MAX: variants seen among roughly 807,000 people sequenced by gnomAD.
The protein encoded by MAX is MYC associated transcriptional regulator X, also known as protein max.
Under a neutral mutation model 22.3 loss-of-function variants are expected in MAX, and 3 were observed. The observed-to-expected ratio is 0.13, with a 90% confidence interval of 0.06 to 0.35. The LOEUF (loss-of-function observed/expected upper bound fraction) is 0.35, where lower values mean the gene tolerates loss of function less well. Among genes scored for constraint, MAX ranks in the 10% least tolerant of loss-of-function variants. The pLI, the probability that MAX is intolerant of heterozygous loss-of-function variation, is 1.00. For missense variants in MAX, 119 were observed against 209.4 expected (o/e 0.57, Z 2.66); for synonymous variants, 72 against 77.7 (o/e 0.93, Z 0.39).
chr14:65,077,449 G>A lies in MAX; in HGVS notation c.295+464C>T, dbSNP rs753470788. On this transcript the variant is annotated intron_variant, in intron 4 of 4. Coordinates refer to ENST00000358664, the MANE Select transcript of MAX (RefSeq NM_002382.5). This position sits in a 1 kb window ranked among gnomAD's most constrained non-coding sequence, Gnocchi z 6.3. ...TTCCCCTGTGGTTGTAGGAAAAGGC[G>A]GGTGTGAGCATTGAGAACAGCATGG... The A allele has an allele frequency of 3.9e-6, 6 of 1,533,078 alleles. No homozygotes were observed. The highest frequency in any genetic ancestry group is 1.1e-5 in the South Asian group (1 of 89,412). The allele number at this position is 1,533,078 out of a possible 1,614,324, so 95.0% of individuals were successfully genotyped here. A position where few individuals can be genotyped will look rare whatever the true frequency, so the allele number is the denominator to read the frequency against.
At position 65,044,425 on chromosome 14, in the gene MAX, C is replaced by T. The variant is rs376882084; in HGVS notation, c.172-38141G>A. The T allele has an allele frequency of 3.8e-5, 62 of 1,611,622 alleles. No individual in the cohort carries two copies. Among genetic ancestry groups the T allele is most frequent in the Middle Eastern group, 1.6e-4 (1 of 6,074 alleles). Reference sequence around the variant, plus strand: ...GGCGGGGCTCCTGCCCCTGCTCCACCGCGCACTGCACGCCCAAGGTGAGCC... The same window carrying T: ...GGCGGGGCTCCTGCCCCTGCTCCACTGCGCACTGCACGCCCAAGGTGAGCC... On this transcript the variant is annotated intron_variant, in intron 3 of 3. Coordinates refer to the MAX transcript ENST00000341653. This position sits in a 1 kb window ranked among gnomAD's most constrained non-coding sequence, Gnocchi z 5.5.
intron 3 of MAX, among the ~76,000 whole-genome samples, chr14:65,068,810 AC>A (rs1368669135): frequency 1.3e-5 from 2 of 151,798 alleles, no homozygotes; most frequent in African/African-American, 2.4e-5. Flanking sequence ...TATTCTCTCA[AC>A]CCTTGATCAC....
At chr14:65,092,620 T>C (rs2063540944) in intron 3 of MAX, among the ~76,000 whole-genome samples, 2 of 152,180 alleles carry the variant, frequency 1.3e-5, no homozygotes, top group South Asian at 2.1e-4. Context: ...GGTTTTGCAA[T>C]ACCAGGTATG....
chr14:65,035,435 A>C (rs2062166576), intron 3 of MAX, among the ~76,000 whole-genome samples: 1 of 152,134 alleles, frequency 6.6e-6, no homozygotes, highest in Non-Finnish European at 1.5e-5. Flanking sequence ...CTGGTTAGGC[A>C]CAGACTAGAT....
chr14:65,074,730 A>G (rs2063020430), downstream of MAX, among the ~76,000 whole-genome samples: 1 of 152,232 alleles, frequency 6.6e-6, no homozygotes, highest in Admixed American at 6.5e-5. Context: ...ATAAACTGGA[A>G]CTATCTAGAA....
Position 65,069,223 on chromosome 14 carries a change from G to A in MAX, c.171+24485C>T, listed in dbSNP as rs2062962236. Among the ~76,000 whole-genome samples, 2 of 152,116 alleles carry A rather than the reference G, an allele frequency of 1.3e-5. No homozygotes were observed. Among genetic ancestry groups the A allele is most frequent in the Admixed American group, 6.6e-5 (1 of 15,264 alleles). On this transcript the variant is annotated intron_variant, in intron 3 of 3. Coordinates refer to the MAX transcript ENST00000341653. This position sits in a 1 kb window ranked among gnomAD's most constrained non-coding sequence, Gnocchi z 4.6. ...CAACCTGTGCAGAGCAGATGGCTCT[G>A]GCCCACCCTCCCTTCACCAACAGCC... is the stretch of plus-strand genomic sequence containing the variant.
chr14:65,060,870 C>CAAAA (rs58241887), intron 3 of MAX, among the ~76,000 whole-genome samples: 11 of 79,586 alleles, frequency 1.4e-4, no homozygotes, highest in Middle Eastern at 7.8e-3. Flanking sequence ...AAGACTCTCT[C>CAAAA]AAAAAAAAAA....
Position 65,102,498 on chromosome 14 carries a change from G to C in MAX, c.-159C>G. 1 of 1,487,162 alleles carries C rather than the reference G, an allele frequency of 6.7e-7. No homozygotes were observed. Among genetic ancestry groups the C allele is most frequent in the Non-Finnish European group, 8.9e-7 (1 of 1,119,094 alleles). The allele number at this position is 1,487,162 out of a possible 1,614,324, so 92.1% of individuals were successfully genotyped here. On this transcript the variant is annotated 5_prime_UTR_variant, in exon 1 of 5. Coordinates refer to ENST00000358664, the MANE Select transcript of MAX (RefSeq NM_002382.5). ...TCACTCACACACACACACAACACGG[G>C]CAAGAACCACCTCCTCACTGCAGCA...
At chr14:65,022,101 A>G (rs566428931) in intron 3 of MAX, 4 of 455,894 alleles carry the variant, frequency 8.8e-6, no homozygotes, top group African/African-American at 2.0e-5. Context: ...TCACCTGTCC[A>G]TTGTCATATT....
chr14:65,006,574 G>C (rs1315120419), intron 3 of MAX, among the ~76,000 whole-genome samples: 1 of 152,172 alleles, frequency 6.6e-6, no homozygotes, highest in Non-Finnish European at 1.5e-5. Context: ...TGAGGGTGTG[G>C]GTGATTGCTT....
In MAX at chr14:65,007,449, G is replaced by T. The variant is rs1207263124; in HGVS notation, c.172-1165C>A. 6.6e-6 allele frequency among the ~76,000 whole-genome samples: 1 copy of T among 152,204 alleles called. No individual in the cohort carries two copies. Among genetic ancestry groups the T allele is most frequent in the Admixed American group, 6.5e-5 (1 of 15,284 alleles). On this transcript the variant is annotated intron_variant, in intron 3 of 3. Coordinates refer to the MAX transcript ENST00000341653. This position sits in a 1 kb window ranked among gnomAD's most constrained non-coding sequence, Gnocchi z 4.9. ...ACAGACCACGCACAGGTCCAGGGAT[G>T]CCTGTGATGATGCTGAAGTAGGCAT...
chr14:65,101,502 G>A, intron 2 of MAX, 44 bp downstream of exon 2: 1 of 1,555,966 alleles, frequency 6.4e-7, no homozygotes, highest in South Asian at 1.1e-5. Context: ...AAAAGGAATA[G>A]AACTGAACGG....
At chr14:65,026,255 C>T (rs1214905242) in intron 3 of MAX, among the ~76,000 whole-genome samples, 1 of 152,130 alleles carries the variant, frequency 6.6e-6, no homozygotes, top group Non-Finnish European at 1.5e-5. Flanking sequence ...TCCTGGGGCA[C>T]CCTTTCTGGT....
chr14:65,083,314 C>T lies in MAX; in HGVS notation c.172-5278G>A, dbSNP rs1032619905. Among the ~76,000 whole-genome samples the T allele has an allele frequency of 3.9e-5, 6 of 152,302 alleles. 1 individual carries two copies. The South Asian group carries it at 1.0e-3, about 26-fold the overall frequency. On this transcript the variant is annotated intron_variant, in intron 3 of 4. Transcript: ENST00000358664. Reference sequence around the variant, plus strand: ...AAAAGACTTGGATTCTAAATAGAACCGTTTAAGGCCCCAAATGACTCCTGA... The same window carrying T: ...AAAAGACTTGGATTCTAAATAGAACTGTTTAAGGCCCCAAATGACTCCTGA...
chr14:65,012,898 A>G lies in MAX; in HGVS notation c.172-6614T>C, dbSNP rs558275137. On this transcript the variant is annotated intron_variant, in intron 3 of 3. Transcript: ENST00000341653. This position sits in a 1 kb window ranked among gnomAD's most constrained non-coding sequence, Gnocchi z 5.0. ...TTTCTTGTAATAAGATCTAATTTCT[A>G]TACTGACTAGAGGACCAGTATAGAG... Among the ~76,000 whole-genome samples the G allele has an allele frequency of 1.9e-4, 29 of 152,316 alleles. No homozygotes were observed. The highest frequency in any genetic ancestry group is 3.7e-4 in the Non-Finnish European group (25 of 68,028).
chr14:65,050,361 C>T (rs922295443), intron 3 of MAX, among the ~76,000 whole-genome samples: 2 of 152,224 alleles, frequency 1.3e-5, no homozygotes, highest in South Asian at 2.1e-4. Flanking sequence ...TTTGGGAAGC[C>T]GAGTTGGGCA....
At position 65,082,324 on chromosome 14, in the gene MAX, CA is replaced by C. The variant is rs571616846; in HGVS notation, c.172-4289del. On this transcript the variant is annotated intron_variant, in intron 3 of 4. Transcript: ENST00000358664. The surrounding 1 kb of genome is among the most constrained non-coding windows in gnomAD (Gnocchi z 4.8). ...TCACCTGATTTGCCTACAAGGACGTCAAATGGAAGACCCTAGTGAAGGTGGT... is the reference window on the plus strand; with the variant it reads ...TCACCTGATTTGCCTACAAGGACGTCAATGGAAGACCCTAGTGAAGGTGGT... 107 of 152,274 alleles carry C rather than the reference CA, an allele frequency of 7.0e-4. 1 individual carries two copies. The highest frequency in any genetic ancestry group is 2.5e-3 in the African/African-American group (105 of 41,540). 9.4% of individuals were successfully genotyped at this position (152,274 alleles called of 1,614,324 possible).
chr14:65,049,381 C>A (rs1172329936), intron 3 of MAX, among the ~76,000 whole-genome samples: 1 of 152,070 alleles, frequency 6.6e-6, no homozygotes, highest in Non-Finnish European at 1.5e-5. Flanking sequence ...ATAAAAGGAA[C>A]CTTTGAAATG....
At chr14:65,092,061 G>A (rs917266626) in intron 3 of MAX, among the ~76,000 whole-genome samples, 1 of 152,204 alleles carries the variant, frequency 6.6e-6, no homozygotes, top group African/African-American at 2.4e-5. Context: ...ATAGGATTTA[G>A]AATAATGTAA....
Sources: allele counts gnomAD v4.1 joint callset (sites outside exome capture counted in the v4.1 genomes callset), GRCh38; gene constraint gnomAD v4.1.1; non-coding constraint Gnocchi (gnomAD v3.1); transcripts MANE v1.5; gene names NCBI Gene and HGNC (gene_info 2026-07-23, HGNC 2026-07-21).